USP33: variants seen among roughly 807,000 people sequenced by gnomAD.
USP33 encodes ubiquitin specific peptidase 33, also known as ubiquitin carboxyl-terminal hydrolase 33.
USP33 carries 46 observed loss-of-function variants against 124.2 expected under a neutral mutation model. The observed-to-expected ratio is 0.37, with a 90% CI of 0.29 to 0.47. The LOEUF (loss-of-function observed/expected upper bound fraction) is 0.47. Ranked by LOEUF, USP33 falls within the 20% of genes least tolerant of loss-of-function variation. USP33 has a pLI of 0.99. For synonymous variants in USP33, 350 were observed against 352.3 expected, an observed-to-expected ratio of 0.99 and a Z score of 0.07; for missense variants, 851 against 1,070.6, an observed-to-expected ratio of 0.79 and a Z score of 2.86.
At chr1:77,716,891 G>C (rs991259563) in intron 17 of USP33, among the ~76,000 whole-genome samples, 1 of 148,132 alleles carries the variant, frequency 6.8e-6, no homozygotes, top group African/African-American at 2.5e-5. Flanking sequence ...TTGACATGGA[G>C]TTTTGCTCTT....
chr1:77,697,659 A>G, intron 23 of USP33, 185 bp from the exon 24 acceptor site: 2 of 910,482 alleles, frequency 2.2e-6, no homozygotes, highest in South Asian at 3.9e-5. Context: ...AAAGTCAGAG[A>G]TGCTTTTGCT....
intron 1 of USP33, chr1:77,746,366 G>C (rs1483165033): frequency 6.6e-6 from 1 of 152,152 alleles, no homozygotes; most frequent in African/African-American, 2.4e-5. Context: ...CCAATAACAG[G>C]CTCTGAAATT....
intron 1 of USP33, among the ~76,000 whole-genome samples, chr1:77,751,834 A>G (rs7519946): frequency 0.42 from 63,346 of 151,450 alleles, 15,416 homozygotes; most frequent in African/African-American, 0.67. Context: ...GACTACAGGC[A>G]CCCGCCATCA....
chr1:77,705,190 TTTTA>T (rs912345651), intron 21 of USP33, among the ~76,000 whole-genome samples: 10 of 151,730 alleles, frequency 6.6e-5, no homozygotes, highest in Non-Finnish European at 1.3e-4. Context: ...GGTTTGCACT[TTTTA>T]TTTTTTATTT....
chr1:77,738,702 G>C (rs966209819), intron 5 of USP33, among the ~76,000 whole-genome samples: 4 of 152,076 alleles, frequency 2.6e-5, no homozygotes, highest in Admixed American at 2.6e-4. Flanking sequence ...GGATGGTCTC[G>C]ATCTCCTGAC....
chr1:77,719,364 T>C lies in USP33; in HGVS notation c.1692-723A>G, dbSNP rs769088186. Among the ~76,000 whole-genome samples the C allele has an allele frequency of 2.6e-5, 4 of 151,482 alleles. No individual in the cohort carries two copies. In the South Asian group the frequency reaches 8.4e-4, roughly 32 times the overall value. ...CAGAGCAAGACTCCATCTCAAAAAA[T>C]AACAATAGTAATTTAAACCAAGATA... On this transcript the variant is annotated intron_variant, in intron 15 of 23. Transcript: ENST00000370794.
intron 21 of USP33, among the ~76,000 whole-genome samples, chr1:77,706,657 C>T (rs1674664609): frequency 6.6e-6 from 1 of 152,180 alleles, no homozygotes; most frequent in South Asian, 2.1e-4. Flanking sequence ...TCTTACCATG[C>T]GCTATCATGC....
intron 1 of USP33, among the ~76,000 whole-genome samples, chr1:77,753,408 TG>T (rs1680521554): frequency 6.6e-6 from 1 of 151,392 alleles, no homozygotes; most frequent in East Asian, 1.9e-4. Flanking sequence ...GGCAACAGAG[TG>T]ATACCCACCC....
At chr1:77,709,725 A>C (rs1675023575) in intron 21 of USP33, among the ~76,000 whole-genome samples, 1 of 151,546 alleles carries the variant, frequency 6.6e-6, no homozygotes, top group Non-Finnish European at 1.5e-5. Context: ...AATAGATTGG[A>C]GTAATCAATC....
At chr1:77,742,283 C>T (rs1432776538) in intron 1 of USP33, among the ~76,000 whole-genome samples, 3 of 152,194 alleles carry the variant, frequency 2.0e-5, no homozygotes, top group East Asian at 3.9e-4. Flanking sequence ...GTTTCTCGAT[C>T]CCGGCACTAT....
At chr1:77,722,358 C>CA (rs951911977) in intron 12 of USP33, 162 bp from the exon 13 acceptor site, 33,903 of 427,782 alleles carry the variant, frequency 0.079, 6 homozygotes, top group South Asian at 0.11. Flanking sequence ...GTCATAATAG[C>CA]AAAAAAAAAA....
chr1:77,751,982 C>T (rs1034953967), intron 1 of USP33, among the ~76,000 whole-genome samples: 9 of 151,932 alleles, frequency 5.9e-5, no homozygotes, highest in Non-Finnish European at 1.2e-4. Flanking sequence ...GCCACCGCGC[C>T]GCGCCCGAAG....
intron 15 of USP33, among the ~76,000 whole-genome samples, chr1:77,719,058 T>C (rs549884611): frequency 1.2e-4 from 19 of 152,320 alleles, no homozygotes; most frequent in African/African-American, 4.1e-4. Flanking sequence ...GAGTCCCTTA[T>C]TGTAAAAAAT....
chr1:77,716,865 T>C (rs1157661676), intron 17 of USP33, among the ~76,000 whole-genome samples: 2 of 150,520 alleles, frequency 1.3e-5, no homozygotes, highest in African/African-American at 4.9e-5. Context: ...TATTCTTTTT[T>C]TTCTTTTTTT....
At chr1:77,706,100 C>T (rs1017674000) in intron 21 of USP33, among the ~76,000 whole-genome samples, 22 of 152,204 alleles carry the variant, frequency 1.4e-4, no homozygotes, top group African/African-American at 5.3e-4. Context: ...CAATTATGAA[C>T]AATACTGCCA....
rs746984744 is a variant in USP33 at position 77,741,755 on chromosome 1, G to A, written c.-51-7C>T. ...TTTCAAAATGAGGTAACACCTATAAGAAAAGTAACACACACAAAAAAATTA... is the reference window on the plus strand; with the variant it reads ...TTTCAAAATGAGGTAACACCTATAAAAAAAGTAACACACACAAAAAAATTA... On this transcript the variant is annotated splice_region_variant and splice_polypyrimidine_tract_variant and intron_variant, in intron 1 of 23. Transcript: ENST00000370794. The A allele has an allele frequency of 1.3e-6, 2 of 1,552,842 alleles. No individual in the cohort carries two copies. The highest frequency in any genetic ancestry group is 1.7e-6 in the Non-Finnish European group (2 of 1,154,744).
At position 77,725,674 on chromosome 1, in the gene USP33, G is replaced by A; in HGVS notation, c.1224C>T (p.Ser408=). The part of the protein sequence containing the change: ...NEGVNPRLSA[S]PPKSGNLWPG... ...GCCACAAATTGCCTGATTTAGGAGG[G>A]CTTGCCGATAAACGTGGATTAACAC... Residue 408 remains serine (S), a synonymous_variant, in exon 11 of 24, where the codon AGC becomes AGT. Coordinates refer to ENST00000370794, the MANE Select transcript of USP33 (RefSeq NM_201624.3). 4.3e-6 allele frequency: 7 copies of A among 1,614,150 alleles called. No individual in the cohort carries two copies. Among genetic ancestry groups the A allele is most frequent in the Non-Finnish European group, 5.9e-6 (7 of 1,180,018 alleles).
chr1:77,749,162 T>C (rs1315524750), intron 1 of USP33, among the ~76,000 whole-genome samples: 1 of 152,240 alleles, frequency 6.6e-6, no homozygotes, highest in Non-Finnish European at 1.5e-5. Context: ...TAATGTCTCC[T>C]GTATTTGGGG....
intron 14 of USP33, 168 bp from the exon 15 acceptor site, chr1:77,721,373 CT>C (rs1676541848): frequency 1.5e-6 from 1 of 651,978 alleles, no homozygotes; most frequent in Non-Finnish European, 2.6e-6. Flanking sequence ...CTTCCCCTCC[CT>C]TAACTCCTGC....
Sources: allele counts gnomAD v4.1 joint callset (sites outside exome capture counted in the v4.1 genomes callset), GRCh38; gene constraint gnomAD v4.1.1; transcripts MANE v1.5; gene names NCBI Gene and HGNC (gene_info 2026-07-23, HGNC 2026-07-21).